The following IL15 variants were observed in gnomAD, a reference collection of about 807,000 sequenced individuals.
IL15 encodes the protein interleukin-15.
In IL15, 11 loss-of-function variants were observed where a neutral mutation model predicts 19.6. The observed-to-expected ratio is 0.56, with a 90% confidence interval of 0.35 to 0.93. IL15 has a LOEUF of 0.93. IL15 is among the 40% of genes least tolerant of loss of function. The pLI, the probability that IL15 is intolerant of heterozygous loss-of-function variation, is 0.01. For missense variants in IL15, 197 were observed against 186.5 expected, an observed-to-expected ratio of 1.06 and a Z score of -0.33; for synonymous variants, 58 against 59.6, an observed-to-expected ratio of 0.97 and a Z score of 0.12.
intron 2 of IL15, among the ~76,000 whole-genome samples, chr4:141,695,948 A>G (rs2152179470): frequency 6.6e-6 from 1 of 151,968 alleles, no homozygotes; most frequent in South Asian, 2.1e-4. Flanking sequence ...AAGCTTTTTC[A>G]TTTGATATAA....
At chr4:141,672,841 A>G (rs1480118442) in intron 2 of IL15, among the ~76,000 whole-genome samples, 3 of 152,204 alleles carry the variant, frequency 2.0e-5, no homozygotes, top group South Asian at 4.1e-4. Flanking sequence ...ACTTATAGAT[A>G]TGTTGCCCTC....
chr4:141,658,454 T>C (rs115688131), intron 2 of IL15, among the ~76,000 whole-genome samples: 519 of 152,322 alleles, frequency 3.4e-3, no homozygotes, highest in Middle Eastern at 6.8e-3. Flanking sequence ...CCTCATTGTA[T>C]ATGCAGTATG....
At chr4:141,649,836 G>A (rs1429063308) in intron 1 of IL15, among the ~76,000 whole-genome samples, 6 of 151,994 alleles carry the variant, frequency 3.9e-5, no homozygotes, top group Non-Finnish European at 8.8e-5. Context: ...GGAAAAGTTA[G>A]TGTCAAGTTC....
intron 1 of IL15, among the ~76,000 whole-genome samples, chr4:141,655,887 A>G (rs928021569): frequency 6.6e-6 from 1 of 152,228 alleles, no homozygotes; most frequent in Non-Finnish European, 1.5e-5. Flanking sequence ...AAAGAGAAAG[A>G]CAATTTACTA....
intron 2 of IL15, among the ~76,000 whole-genome samples, chr4:141,663,498 A>G (rs1343825674): frequency 6.6e-6 from 1 of 152,180 alleles, no homozygotes; most frequent in Non-Finnish European, 1.5e-5. Context: ...GTTTATGGAG[A>G]CTTCATTAGC....
chr4:141,700,021 C>T (rs376972011), intron 2 of IL15, among the ~76,000 whole-genome samples: 9 of 152,024 alleles, frequency 5.9e-5, no homozygotes, highest in African/African-American at 1.7e-4. Context: ...CGGGTTCAGG[C>T]GATTCTCCTG....
Position 141,711,761 on chromosome 4 carries a change from C to T in IL15, c.-99-7605C>T, listed in dbSNP as rs373144474. ...TAATTTATCTGGAATGCATTTTTTACTTAATTATTTCATAGACATTCTGTG... is the reference window on the plus strand; with the variant it reads ...TAATTTATCTGGAATGCATTTTTTATTTAATTATTTCATAGACATTCTGTG... On this transcript the variant is annotated intron_variant, in intron 2 of 7. Transcript: ENST00000320650. Among the ~76,000 whole-genome samples the T allele has an allele frequency of 2.4e-4, 37 of 152,144 alleles. No homozygotes were observed. In the East Asian group the frequency reaches 6.6e-3, roughly 27 times the overall value.
chr4:141,720,493 A>G lies in IL15; in HGVS notation c.37A>G (p.Ile13Val). 6.3e-7 allele frequency: 1 copy of G among 1,590,676 alleles called. No individual in the cohort carries two copies. The highest frequency in any genetic ancestry group is 8.6e-7 in the Non-Finnish European group (1 of 1,159,408). Residue 13 changes from isoleucine (I) to valine (V), a missense_variant, in exon 4 of 8, where the codon ATC becomes GTC. Coordinates refer to ENST00000320650, the MANE Select transcript of IL15 (RefSeq NM_000585.5). Reference sequence around the variant, plus strand: ...GAAACCACATTTGAGAAGTATTTCCATCCAGTGCTACTTGTGTTTACTTCT... The same window carrying G: ...GAAACCACATTTGAGAAGTATTTCCGTCCAGTGCTACTTGTGTTTACTTCT... ...ISKPHLRSIS[I>V]QCYLCLLLNS...
At chr4:141,639,239 T>C (rs904717254) in intron 1 of IL15, among the ~76,000 whole-genome samples, 15 of 152,214 alleles carry the variant, frequency 9.9e-5, no homozygotes, top group Non-Finnish European at 2.2e-4. Flanking sequence ...TGGAGGATGG[T>C]ATTATTTGCA....
At chr4:141,663,957 G>A (rs59129365) in intron 2 of IL15, among the ~76,000 whole-genome samples, 4,094 of 152,136 alleles carry the variant, frequency 0.027, 182 homozygotes, top group African/African-American at 0.092. Flanking sequence ...TTTGAGCCCT[G>A]AGAATGCACA....
At chr4:141,646,210 A>C (rs1727219700) in intron 1 of IL15, among the ~76,000 whole-genome samples, 1 of 152,018 alleles carries the variant, frequency 6.6e-6, no homozygotes, top group Admixed American at 6.6e-5. Flanking sequence ...CCTCTATTCC[A>C]AACCCCACAT....
chr4:141,676,036 A>G (rs1229173112), intron 2 of IL15, among the ~76,000 whole-genome samples: 1 of 152,244 alleles, frequency 6.6e-6, no homozygotes, highest in East Asian at 1.9e-4. Flanking sequence ...GACATTTATT[A>G]GTAAAAAATA....
intron 2 of IL15, among the ~76,000 whole-genome samples, chr4:141,664,139 A>G (rs1483853765): frequency 1.3e-5 from 2 of 152,174 alleles, no homozygotes; most frequent in Non-Finnish European, 2.9e-5. Flanking sequence ...ATTTTAGCCA[A>G]CAAAGCAGAT....
chr4:141,730,703 G>A (rs913034967), intron 7 of IL15, among the ~76,000 whole-genome samples: 1 of 152,134 alleles, frequency 6.6e-6, no homozygotes, highest in Admixed American at 6.6e-5. Flanking sequence ...TGATAGGCTG[G>A]GGAATCAGCT....
chr4:141,700,026 C>T (rs1172581995), intron 2 of IL15, among the ~76,000 whole-genome samples: 1 of 152,132 alleles, frequency 6.6e-6, no homozygotes, highest in Non-Finnish European at 1.5e-5. Flanking sequence ...TCAGGCGATT[C>T]TCCTGCCTCA....
At chr4:141,696,509 G>T (rs1729100609) in intron 2 of IL15, among the ~76,000 whole-genome samples, 1 of 152,032 alleles carries the variant, frequency 6.6e-6, no homozygotes, top group South Asian at 2.1e-4. Flanking sequence ...TCTGTAGGTT[G>T]CTTTGGATAG....
At chr4:141,698,702 T>C (rs1317729782) in intron 2 of IL15, among the ~76,000 whole-genome samples, 3 of 152,172 alleles carry the variant, frequency 2.0e-5, no homozygotes, top group Non-Finnish European at 4.4e-5. Context: ...TCATTTCTAA[T>C]TGAGCTTAAT....
At chr4:141,687,435 A>G (rs1160284520) in intron 2 of IL15, among the ~76,000 whole-genome samples, 1 of 152,196 alleles carries the variant, frequency 6.6e-6, no homozygotes, top group Non-Finnish European at 1.5e-5. Context: ...CATCTGCTGC[A>G]AACTCAGGAT....
At chr4:141,729,205 G>A (rs527287672) in intron 6 of IL15, among the ~76,000 whole-genome samples, 2 of 152,130 alleles carry the variant, frequency 1.3e-5, no homozygotes, top group African/African-American at 4.8e-5. Flanking sequence ...ACTGTGCAAG[G>A]TATCGAGGAC....
Sources: gnomAD v4.1 joint callset for allele counts (sites outside exome capture counted in the v4.1 genomes callset) on GRCh38, gnomAD v4.1.1 for gene constraint, MANE v1.5 for transcripts, NCBI Gene and HGNC (gene_info 2026-07-23, HGNC 2026-07-21) for gene names.